UXS1: variants seen among roughly 807,000 people sequenced by gnomAD.
The protein encoded by UXS1 is UDP-glucuronic acid decarboxylase 1.
UXS1 carries 33 observed loss-of-function variants against 62.6 expected under a neutral mutation model. That is an observed-to-expected ratio of 0.53 (90% CI 0.40 to 0.70). UXS1 has a LOEUF of 0.70. UXS1 is among the 30% of genes least tolerant of loss of function. UXS1 has a pLI of 0.00. For missense variants in UXS1, 434 were observed against 556.3 expected (o/e 0.78, Z 2.21); for synonymous variants, 213 against 206.8 (o/e 1.03, Z -0.26).
At chr2:106,108,784 A>C (rs1414527437) in intron 10 of UXS1, among the ~76,000 whole-genome samples, 1 of 152,170 alleles carries the variant, frequency 6.6e-6, no homozygotes, top group South Asian at 2.1e-4. Flanking sequence ...CAATGTCCCC[A>C]GCCGCTGTGC....
chr2:106,157,990 G>A (rs977007463), intron 5 of UXS1, 68 bp downstream of exon 5: 1 of 1,322,852 alleles, frequency 7.6e-7, no homozygotes, highest in African/African-American at 1.5e-5. Flanking sequence ...TATGATATGT[G>A]AATTATCTCT....
intron 1 of UXS1, among the ~76,000 whole-genome samples, chr2:106,182,899 T>C (rs1411375463): frequency 2.6e-5 from 4 of 152,174 alleles, no homozygotes; most frequent in Non-Finnish European, 4.4e-5. Context: ...TGGGGTCCTC[T>C]CATTGAATTA....
chr2:106,115,253 C>T (rs1678968960), intron 9 of UXS1, among the ~76,000 whole-genome samples: 1 of 152,180 alleles, frequency 6.6e-6, no homozygotes, highest in African/African-American at 2.4e-5. Flanking sequence ...AAGAACCAGG[C>T]TGAAAACCCA....
At chr2:106,154,706 G>C (rs1682297190) in intron 5 of UXS1, among the ~76,000 whole-genome samples, 1 of 152,204 alleles carries the variant, frequency 6.6e-6, no homozygotes, top group East Asian at 1.9e-4. Context: ...GGTGGTAACT[G>C]CAAGTCCTAG....
intron 11 of UXS1, 39 bp from the exon 12 acceptor site, chr2:106,101,157 G>A (rs1393755639): frequency 6.2e-7 from 1 of 1,610,912 alleles, no homozygotes; most frequent in Non-Finnish European, 8.5e-7. Context: ...TCTGCCTGCT[G>A]GAATATGCTA....
chr2:106,099,990 C>T (rs1252662258), intron 12 of UXS1, among the ~76,000 whole-genome samples: 2 of 152,318 alleles, frequency 1.3e-5, no homozygotes, highest in East Asian at 1.9e-4. Flanking sequence ...GTTACAAAGA[C>T]ATGCATAAGC....
At chr2:106,125,357 A>T (rs926218059) in intron 8 of UXS1, among the ~76,000 whole-genome samples, 15 of 152,296 alleles carry the variant, frequency 9.8e-5, no homozygotes, top group Middle Eastern at 3.4e-3. Context: ...TGGCAGAAAC[A>T]CTTCTGTGGA....
chr2:106,163,787 C>T, intron 3 of UXS1, 77 bp from the exon 4 acceptor site: 1 of 910,178 alleles, frequency 1.1e-6, no homozygotes, highest in Non-Finnish European at 1.5e-6. Flanking sequence ...TCTGATGTTT[C>T]AGATAAGGCA....
intron 13 of UXS1, chr2:106,097,804 AAC>A (rs942695419): frequency 6.3e-6 from 1 of 157,838 alleles, no homozygotes; most frequent in Non-Finnish European, 1.4e-5. Flanking sequence ...ACGCAGGAGG[AAC>A]ACACAGATTC....
At chr2:106,173,596 A>G (rs1366542892) in intron 1 of UXS1, among the ~76,000 whole-genome samples, 1 of 152,226 alleles carries the variant, frequency 6.6e-6, no homozygotes, top group African/African-American at 2.4e-5. Context: ...TAAAAGAGCC[A>G]GAATAGCAAA....
intron 6 of UXS1, among the ~76,000 whole-genome samples, chr2:106,136,953 C>A (rs1338598294): frequency 3.0e-4 from 22 of 73,004 alleles, no homozygotes; most frequent in East Asian, 8.5e-4. Flanking sequence ...ATGGAGAAGT[C>A]AAGAACACAC....
intron 4 of UXS1, among the ~76,000 whole-genome samples, chr2:106,162,931 C>T (rs559663636): frequency 2.0e-5 from 3 of 152,278 alleles, no homozygotes; most frequent in South Asian, 2.1e-4. Context: ...TGACACACAT[C>T]GTCCAAACTC....
intron 8 of UXS1, among the ~76,000 whole-genome samples, chr2:106,124,241 G>A (rs1353753811): frequency 6.6e-6 from 1 of 152,176 alleles, no homozygotes; most frequent in Non-Finnish European, 1.5e-5. Flanking sequence ...AGCTGGGCAA[G>A]CTACCCTCCA....
rs748522365 is a variant in UXS1, at chr2:106,101,079, G to A, written c.963C>T (p.Asn321=). Residue 321 remains asparagine, a synonymous_variant, in exon 12 of 15, where the codon AAC becomes AAT. Transcript: ENST00000283148. The part of the protein sequence containing the change: ...VNGLVALMNS[N]VSSPVNLGNP... Reference sequence around the variant, plus strand: ...TCACCAGGTTGACCGGGCTGCTGACGTTGCTGTTCATGAGAGCCACGAGGC... The same window carrying A: ...TCACCAGGTTGACCGGGCTGCTGACATTGCTGTTCATGAGAGCCACGAGGC... 1.1e-5 allele frequency: 17 copies of A among 1,613,868 alleles called. 1 individual carries two copies. The Admixed American group carries it at 1.3e-4, about 13-fold the overall frequency.
chr2:106,105,983 C>A (rs1211370518), intron 10 of UXS1, among the ~76,000 whole-genome samples: 1 of 152,160 alleles, frequency 6.6e-6, no homozygotes, highest in Non-Finnish European at 1.5e-5. Context: ...GCACCAGCCC[C>A]CTCAGCACCA....
At chr2:106,104,587 C>G (rs1382823183) in intron 11 of UXS1, among the ~76,000 whole-genome samples, 2 of 152,154 alleles carry the variant, frequency 1.3e-5, no homozygotes, top group Admixed American at 6.5e-5. Context: ...ACATGAGTCA[C>G]GATAGTCATG....
intron 11 of UXS1, among the ~76,000 whole-genome samples, chr2:106,103,361 G>C (rs1677759847): frequency 6.6e-6 from 1 of 152,216 alleles, no homozygotes; most frequent in Non-Finnish European, 1.5e-5. Flanking sequence ...GGAGAAGCCT[G>C]GGCGCCACTG....
chr2:106,155,842 G>A (rs978158215), intron 5 of UXS1, among the ~76,000 whole-genome samples: 2 of 152,076 alleles, frequency 1.3e-5, no homozygotes, highest in African/African-American at 2.4e-5. Flanking sequence ...AAATTGTGCT[G>A]GACAACCGGA....
At chr2:106,122,662 G>C (rs565265166) in intron 9 of UXS1, among the ~76,000 whole-genome samples, 2 of 152,302 alleles carry the variant, frequency 1.3e-5, no homozygotes, top group Non-Finnish European at 2.9e-5. Context: ...TTGATTTGGA[G>C]GCTTCAGGAA....
Sources: allele counts gnomAD v4.1 joint callset (sites outside exome capture counted in the v4.1 genomes callset), GRCh38; gene constraint gnomAD v4.1.1; transcripts MANE v1.5; gene names NCBI Gene and HGNC (gene_info 2026-07-23, HGNC 2026-07-21).